The following CSNK1G3 variants were observed in gnomAD, a reference collection of about 807,000 sequenced individuals.
CSNK1G3 encodes casein kinase I isoform gamma-3.
A neutral mutation model predicts 64.3 loss-of-function variants in CSNK1G3; 23 were observed. That is an observed-to-expected ratio of 0.36 (90% CI 0.26 to 0.51). The LOEUF (loss-of-function observed/expected upper bound fraction) is 0.51, where lower values mean the gene tolerates loss of function less well. Among genes scored for constraint, CSNK1G3 ranks in the 20% least tolerant of loss-of-function variants. The pLI is 0.96. For missense variants in CSNK1G3, 357 were observed against 510.5 expected, an observed-to-expected ratio of 0.70 and a Z score of 2.90; for synonymous variants, 158 against 162.2, an observed-to-expected ratio of 0.97 and a Z score of 0.20.
At chr5:123,553,784 TA>T (rs1784126062) in intron 3 of CSNK1G3, among the ~76,000 whole-genome samples, 1 of 152,238 alleles carries the variant, frequency 6.6e-6, no homozygotes, top group Non-Finnish European at 1.5e-5. Context: ...CTTTTCCTGG[TA>T]CAACTTTTCT....
rs1369338128 is a variant in CSNK1G3 at position 123,604,705 on chromosome 5, A to C, written c.1087-19A>C. 9 of 1,526,066 alleles carry C rather than the reference A, an allele frequency of 5.9e-6. No individual in the cohort carries two copies. Among genetic ancestry groups the C allele is most frequent in the African/African-American group, 1.4e-5 (1 of 72,212 alleles). The allele number at this position is 1,526,066 out of a possible 1,614,324, so 94.5% of individuals were successfully genotyped here. A position where few individuals can be genotyped will look rare whatever the true frequency, so the allele number is the denominator to read the frequency against. The stretch of plus-strand genomic sequence containing the variant: ...GTGTGTGTACATATACATATATAAA[A>C]AATTTTTTTTTCAAACAGGTTGTAA... On this transcript the variant is annotated intron_variant, in intron 10 of 12. Coordinates refer to ENST00000345990, the Ensembl canonical transcript of CSNK1G3.
chr5:123,552,328 T>C (rs1052231341), intron 2 of CSNK1G3, among the ~76,000 whole-genome samples: 6 of 152,066 alleles, frequency 3.9e-5, no homozygotes, highest in African/African-American at 1.4e-4. Flanking sequence ...GTATTTTTAG[T>C]AGAGACAGGA....
In CSNK1G3 at chr5:123,604,706, A is replaced by G. The variant is rs1388620749; in HGVS notation, c.1087-18A>G. On this transcript the variant is annotated intron_variant, in intron 10 of 12. Coordinates refer to ENST00000345990, the Ensembl canonical transcript of CSNK1G3. ...TGTGTGTACATATACATATATAAAA[A>G]ATTTTTTTTTCAAACAGGTTGTAAG... The G allele has an allele frequency of 1.3e-6, 2 of 1,533,532 alleles. No individual in the cohort carries two copies. The highest frequency in any genetic ancestry group is 9.0e-7 in the Non-Finnish European group (1 of 1,116,894). The allele number at this position is 1,533,532 out of a possible 1,614,324, so 95.0% of individuals were successfully genotyped here. A position where few individuals can be genotyped will look rare whatever the true frequency, so the allele number is the denominator to read the frequency against.
chr5:123,563,403 C>T (rs950532153), intron 4 of CSNK1G3, among the ~76,000 whole-genome samples: 1 of 151,692 alleles, frequency 6.6e-6, no homozygotes, highest in Non-Finnish European at 1.5e-5. Flanking sequence ...TTTGAAAAGC[C>T]CCCTCTTTCT....
At chr5:123,588,041 G>A in intron 6 of CSNK1G3, 27 bp from the exon 7 acceptor site, 1 of 1,420,880 alleles carries the variant, frequency 7.0e-7, no homozygotes, top group East Asian at 2.4e-5. Context: ...AGAGAAAAGT[G>A]AAATTTATAT....
At chr5:123,556,992 GTATT>G (rs1445815598) in intron 3 of CSNK1G3, among the ~76,000 whole-genome samples, 3 of 151,992 alleles carry the variant, frequency 2.0e-5, no homozygotes, top group African/African-American at 7.2e-5. Flanking sequence ...GAGTTAATAT[GTATT>G]TAACGCTTAT....
chr5:123,555,373 T>C (rs1185639878), intron 3 of CSNK1G3, among the ~76,000 whole-genome samples: 5 of 152,202 alleles, frequency 3.3e-5, no homozygotes, highest in Non-Finnish European at 5.9e-5. Context: ...GTGTCTGTTA[T>C]ATCTGTTTGT....
chr5:123,551,281 C>T (rs973051715), intron 2 of CSNK1G3, among the ~76,000 whole-genome samples: 1 of 152,132 alleles, frequency 6.6e-6, no homozygotes, highest in Non-Finnish European at 1.5e-5. Flanking sequence ...CTAGAGGAAA[C>T]CTAACTTTTC....
intron 1 of CSNK1G3, among the ~76,000 whole-genome samples, chr5:123,528,317 C>T (rs1316070564): frequency 2.0e-5 from 3 of 152,110 alleles, no homozygotes; most frequent in African/African-American, 7.2e-5. Context: ...ATAACTTTCT[C>T]TTTCCTCTTC....
chr5:123,531,302 T>G (rs1192057029), intron 1 of CSNK1G3, among the ~76,000 whole-genome samples: 3 of 152,144 alleles, frequency 2.0e-5, no homozygotes, highest in South Asian at 4.1e-4. Context: ...ACTTTCTCCT[T>G]AGACTTAAGT....
chr5:123,539,810 G>T (rs926090770), intron 1 of CSNK1G3, among the ~76,000 whole-genome samples: 5 of 151,888 alleles, frequency 3.3e-5, no homozygotes, highest in African/African-American at 1.2e-4. Flanking sequence ...TTTTTTAATA[G>T]ATTAAGTTTT....
At chr5:123,584,639 T>A (rs943225096) in intron 6 of CSNK1G3, among the ~76,000 whole-genome samples, 1 of 152,170 alleles carries the variant, frequency 6.6e-6, no homozygotes, top group African/African-American at 2.4e-5. Flanking sequence ...TGGGAACTCT[T>A]CCAATCCTGG....
At chr5:123,610,124 G>A (rs963814665) in intron 12 of CSNK1G3, among the ~76,000 whole-genome samples, 7 of 152,116 alleles carry the variant, frequency 4.6e-5, no homozygotes, top group Admixed American at 1.3e-4. Flanking sequence ...ATGAAGATGG[G>A]CCTGCAGGCT....
chr5:123,607,597 G>A (rs192956976), intron 12 of CSNK1G3, among the ~76,000 whole-genome samples: 240 of 152,274 alleles, frequency 1.6e-3, no homozygotes, highest in Non-Finnish European at 2.8e-3. Context: ...GCAGGGAAGA[G>A]GAGGATGGGA....
At chr5:123,616,757 A>G (rs1749523370) in exon 13 of CSNK1G3, 1 of 152,618 alleles carries the variant, frequency 6.6e-6, no homozygotes, top group Admixed American at 6.5e-5. Context: ...AAAAAATAAA[A>G]GTAGTTTTTT....
intron 5 of CSNK1G3, among the ~76,000 whole-genome samples, chr5:123,575,498 T>C (rs1199292701): frequency 6.6e-6 from 1 of 152,248 alleles, no homozygotes; most frequent in Non-Finnish European, 1.5e-5. Context: ...AAGGAATTCA[T>C]AAAATTCAAA....
At chr5:123,609,436 A>T (rs1281308550) in intron 12 of CSNK1G3, among the ~76,000 whole-genome samples, 4 of 152,186 alleles carry the variant, frequency 2.6e-5, no homozygotes, top group African/African-American at 9.6e-5. Flanking sequence ...TCCTTAAAAA[A>T]TGTTTTAAGA....
intron 4 of CSNK1G3, among the ~76,000 whole-genome samples, chr5:123,557,836 G>A (rs921279611): frequency 4.6e-5 from 7 of 152,068 alleles, no homozygotes; most frequent in Middle Eastern, 3.2e-3. Flanking sequence ...TAGTCTTTTT[G>A]GAGGCACTAT....
chr5:123,584,946 T>G (rs1791029936), intron 6 of CSNK1G3, among the ~76,000 whole-genome samples: 1 of 152,186 alleles, frequency 6.6e-6, no homozygotes, highest in Non-Finnish European at 1.5e-5. Context: ...TATTGGTAAT[T>G]TGTGTTTCTT....
Sources: gnomAD v4.1 joint callset for allele counts (sites outside exome capture counted in the v4.1 genomes callset) on GRCh38, gnomAD v4.1.1 for gene constraint, MANE v1.5 for transcripts, NCBI Gene and HGNC (gene_info 2026-07-23, HGNC 2026-07-21) for gene names.